The following HERC2 variants were observed in gnomAD, a reference collection of about 807,000 sequenced individuals.
HERC2 encodes E3 ubiquitin-protein ligase HERC2.
A neutral mutation model predicts 537.7 loss-of-function variants in HERC2; 102 were observed. The ratio of observed to expected loss-of-function variants is 0.19; its 90% confidence interval spans 0.16 to 0.22. The LOEUF is 0.22. Among genes scored for constraint, HERC2 ranks in the 10% least tolerant of loss-of-function variants. The pLI, the probability that HERC2 is intolerant of heterozygous loss-of-function variation, is 1.00. For synonymous variants in HERC2, 2,224 were observed against 2,466.2 expected (o/e 0.90, Z 2.91); for missense variants, 4,236 against 6,198.2 (o/e 0.68, Z 10.63).
intron 56 of HERC2, among the ~76,000 whole-genome samples, chr15:28,185,924 A>T (rs915829002): frequency 3.3e-5 from 5 of 152,244 alleles, no homozygotes; most frequent in Admixed American, 3.3e-4. Flanking sequence ...CACAGTAGGC[A>T]TTCAAAAGAT....
chr15:28,197,234 C>A (rs1239796448), intron 50 of HERC2, among the ~76,000 whole-genome samples: 3 of 152,174 alleles, frequency 2.0e-5, no homozygotes, highest in African/African-American at 7.2e-5. Flanking sequence ...AAGGTTCAAA[C>A]AAACAAATAA....
At chr15:28,210,603 C>A (rs77019455) in intron 44 of HERC2, among the ~76,000 whole-genome samples, 126 of 151,154 alleles carry the variant, frequency 8.3e-4, no homozygotes, top group African/African-American at 2.6e-3. Flanking sequence ...CAGCAGCAGC[C>A]TGTTCATGGA....
At position 28,178,915 on chromosome 15, in the gene HERC2, G is replaced by A; in HGVS notation, c.9135C>T (p.Tyr3045=). The change falls in exon 59 of 93, where the codon TAC becomes TAT. Residue 3045 remains tyrosine (Y), a synonymous_variant. Coordinates refer to ENST00000261609, the MANE Select transcript of HERC2 (RefSeq NM_004667.6). The part of the protein sequence containing the change: ...IPRQITALSS[Y]VVKKVAVHSG... Reference sequence around the variant, plus strand: ...AGTGAACAGCCACCTTCTTGACCACGTAGCTGCTGAGAGCTGTGATCTGCC... The same window carrying A: ...AGTGAACAGCCACCTTCTTGACCACATAGCTGCTGAGAGCTGTGATCTGCC... 6.2e-7 allele frequency: 1 copy of A among 1,613,992 alleles called. No homozygotes were observed. The highest frequency in any genetic ancestry group is 8.5e-7 in the Non-Finnish European group (1 of 1,180,014).
rs74898827 is a variant in HERC2 at position 28,238,719 on chromosome 15, G to A, written c.3631C>T (p.Arg1211Cys). 117 of 1,611,086 alleles carry A rather than the reference G, an allele frequency of 7.3e-5. No individual in the cohort carries two copies. Among genetic ancestry groups the A allele is most frequent in the Non-Finnish European group, 9.3e-5 (110 of 1,179,226 alleles). ...TTATGGTTCTCCAAATCAGCTTTGCGTATAAGTGTCACTTCCTCATTATTT... is the reference window on the plus strand; with the variant it reads ...TTATGGTTCTCCAAATCAGCTTTGCATATAAGTGTCACTTCCTCATTATTT... The part of the protein sequence containing the change: ...CRNNEEVTLI[R>C]KADLENHNKD... Residue 1211 changes from arginine to cysteine, a missense_variant, in exon 24 of 93, where the codon CGC (arginine) becomes TGC (cysteine). Coordinates refer to ENST00000261609, the MANE Select transcript of HERC2 (RefSeq NM_004667.6).
In HERC2 at chr15:28,248,606, GC is replaced by G; in HGVS notation, c.3180del (p.Leu1060PhefsTer23). The G allele has an allele frequency of 6.2e-7, 1 of 1,613,980 alleles. No individual in the cohort carries two copies. The highest frequency in any genetic ancestry group is 8.5e-7 in the Non-Finnish European group (1 of 1,179,894). On this transcript the variant is annotated frameshift_variant, in exon 21 of 93. Coordinates refer to ENST00000261609, the MANE Select transcript of HERC2 (RefSeq NM_004667.6). LOFTEE classifies it high-confidence loss of function. ...SLDLLLRFQR[L>X]LISKLYPGES... The stretch of plus-strand genomic sequence containing the variant: ...TCTCCTGGATAAAGTTTACTAATAA[GC>G]AAACGTTGAAAACGCAGTAACAAAT...
At chr15:28,317,526 G>A (rs1436854312) in intron 2 of HERC2, among the ~76,000 whole-genome samples, 1 of 152,148 alleles carries the variant, frequency 6.6e-6, no homozygotes, top group African/African-American at 2.4e-5. Flanking sequence ...AAACCTTGAC[G>A]GACCTGAGGG....
Position 28,175,566 on chromosome 15 carries a change from G to A in HERC2, c.9777C>T (p.Ile3259=), listed in dbSNP as rs769159696. 1.9e-5 allele frequency: 30 copies of A among 1,614,014 alleles called. No homozygotes were observed. The highest frequency in any genetic ancestry group is 2.4e-5 in the Non-Finnish European group (28 of 1,179,934). The part of the protein sequence containing the change: ...QVVEGLRGKK[I]VHVAVGALHC... ...GCAGGGCCCCGACAGCCACATGCAC[G>A]ATCTTCTTCCCTCTCAGCCCTTCCA... is the stretch of plus-strand genomic sequence containing the variant. Residue 3259 remains isoleucine (I), a synonymous_variant, in exon 64 of 93, where the codon ATC becomes ATT. Transcript: ENST00000261609.
chr15:28,195,995 C>T (rs1897313961), intron 52 of HERC2, among the ~76,000 whole-genome samples: 1 of 152,104 alleles, frequency 6.6e-6, no homozygotes, highest in Non-Finnish European at 1.5e-5. Flanking sequence ...AGCAAACAAG[C>T]CTAGTTATTC....
chr15:28,185,221 C>A (rs907106922), intron 56 of HERC2, among the ~76,000 whole-genome samples: 1 of 151,968 alleles, frequency 6.6e-6, no homozygotes, highest in African/African-American at 2.4e-5. Flanking sequence ...TACTACCCCC[C>A]ACTTCTGTCT....
At chr15:28,155,868 T>C (rs1892958329) in intron 69 of HERC2, among the ~76,000 whole-genome samples, 1 of 152,198 alleles carries the variant, frequency 6.6e-6, no homozygotes, top group Non-Finnish European at 1.5e-5. Context: ...ATTCCCTAGG[T>C]CTTCTTCTAG....
intron 45 of HERC2, among the ~76,000 whole-genome samples, chr15:28,204,417 C>T (rs1409516673): frequency 1.3e-5 from 2 of 152,066 alleles, no homozygotes; most frequent in Non-Finnish European, 2.9e-5. Flanking sequence ...GTCAGGAGTT[C>T]GAGACCAGCC....
rs780228857 is a variant in HERC2, at chr15:28,182,396, C to T, written c.8937+5G>A. The T allele has an allele frequency of 6.2e-6, 10 of 1,607,956 alleles. No homozygotes were observed. Among genetic ancestry groups the T allele is most frequent in the African/African-American group, 5.4e-5 (4 of 74,694 alleles). ...CCCTGCTGGGTCCCAGGGAGCAGGC[C>T]GTACCTTGGAGCCTTTCAGCCCGCC... On this transcript the variant is annotated splice_donor_5th_base_variant and intron_variant, in intron 57 of 92. Transcript: ENST00000261609.
Position 28,191,941 on chromosome 15 carries a change from T to C in HERC2, c.8451+20A>G, listed in dbSNP as rs1896893483. On this transcript the variant is annotated intron_variant, in intron 53 of 92. Transcript: ENST00000261609. ...CCATCGGTGTGAAAGTGCCCGCTGC[T>C]GTGCCCTATTAGATGCTACCTTTCC... is the stretch of plus-strand genomic sequence containing the variant. 2 of 1,605,074 alleles carry C rather than the reference T, an allele frequency of 1.2e-6. No homozygotes were observed. Among genetic ancestry groups the C allele is most frequent in the Admixed American group, 1.7e-5 (1 of 59,760 alleles).
intron 44 of HERC2, among the ~76,000 whole-genome samples, chr15:28,209,940 CTTTTTTTT>C (rs1164101918): frequency 2.6e-5 from 2 of 77,344 alleles, no homozygotes; most frequent in African/African-American, 5.3e-5. Flanking sequence ...AATACATTAT[CTTTTTTTT>C]TTTTTTTTTT....
In HERC2 at chr15:28,237,045, C is replaced by T. The variant is rs747673663; in HGVS notation, c.3921G>A (p.Arg1307=). The T allele has an allele frequency of 4.4e-5, 71 of 1,609,574 alleles. No individual in the cohort carries two copies. The highest frequency in any genetic ancestry group is 5.6e-5 in the Non-Finnish European group (66 of 1,177,754). Residue 1307 remains arginine (R), a synonymous_variant, in exon 26 of 93, where the codon AGG becomes AGA. Coordinates refer to ENST00000261609, the MANE Select transcript of HERC2 (RefSeq NM_004667.6). Reference sequence around the variant, plus strand: ...GTAATCCGAGAAGCAGGCCCAGATTCCTCTCTGTGTCTATCAGAGGTGAAG... The same window carrying T: ...GTAATCCGAGAAGCAGGCCCAGATTTCTCTCTGTGTCTATCAGAGGTGAAG... The part of the protein sequence containing the change: ...SLSSPLIDTE[R]NLGLLLGLHA...
intron 50 of HERC2, 85 bp downstream of exon 50, chr15:28,198,293 G>C (rs1220002764): frequency 1.4e-6 from 2 of 1,433,842 alleles, no homozygotes; most frequent in Admixed American, 3.9e-5. Context: ...TTTCTGTTTT[G>C]TGTGCTTGAA....
intron 2 of HERC2, among the ~76,000 whole-genome samples, chr15:28,317,765 C>A (rs1378398943): frequency 6.6e-6 from 1 of 152,202 alleles, no homozygotes; most frequent in Admixed American, 6.5e-5. Context: ...GAACTACGCA[C>A]ACACATTGTA....
Position 28,246,868 on chromosome 15 carries a change from G to A in HERC2, c.3265C>T (p.Leu1089=), listed in dbSNP as rs557464251. The change falls in exon 22 of 93, where the codon CTG becomes TTG. Residue 1089 remains leucine, a synonymous_variant. Coordinates refer to ENST00000261609, the MANE Select transcript of HERC2 (RefSeq NM_004667.6). Reference sequence around the variant, plus strand: ...CACAGGAGGGCTGTGTACTTCTTCAGCAAGGAACCAACACCCATTAGCTCT... The same window carrying A: ...CACAGGAGGGCTGTGTACTTCTTCAACAAGGAACCAACACCCATTAGCTCT... The part of the protein sequence containing the change: ...SPELMGVGSL[L]KKYTALLCTH... 1.2e-6 allele frequency: 2 copies of A among 1,610,214 alleles called. No homozygotes were observed. The highest frequency in any genetic ancestry group is 4.5e-5 in the East Asian group (2 of 44,646).
intron 2 of HERC2, among the ~76,000 whole-genome samples, chr15:28,307,906 G>T (rs1374202898): frequency 2.6e-5 from 4 of 152,098 alleles, no homozygotes; most frequent in African/African-American, 9.7e-5. Context: ...TGTTCCGTTG[G>T]TCTGTGTCTG....
Sources: allele counts gnomAD v4.1 joint callset (sites outside exome capture counted in the v4.1 genomes callset), GRCh38; gene constraint gnomAD v4.1.1; transcripts MANE v1.5; gene names NCBI Gene and HGNC (gene_info 2026-07-23, HGNC 2026-07-21).